CTTN: variants seen among roughly 807,000 people sequenced by gnomAD.
CTTN encodes the protein cortactin, also known as src substrate cortactin.
CTTN carries 28 observed loss-of-function variants against 84.0 expected under a neutral mutation model. The ratio of observed to expected loss-of-function variants is 0.33; its 90% confidence interval spans 0.25 to 0.46. The LOEUF (loss-of-function observed/expected upper bound fraction) is 0.46, where lower values mean the gene tolerates loss of function less well. CTTN is among the 20% of genes least tolerant of loss of function. The probability of loss-of-function intolerance (pLI) is 1.00; values close to 1 mark genes in which losing one functional copy is unlikely to be tolerated. For missense variants in CTTN, 641 were observed against 723.8 expected (o/e 0.89, Z 1.31); for synonymous variants, 301 against 288.8 (o/e 1.04, Z -0.43).
Position 70,420,390 on chromosome 11 carries a change from G to T in CTTN, c.680-10G>T, listed in dbSNP as rs775681700. ...TAATGATGGGTTCTGGCCTTTCATT[G>T]TGCATGTAGACTATGTGAAAGGGTT... On this transcript the variant is annotated splice_polypyrimidine_tract_variant and intron_variant, in intron 9 of 17. Transcript: ENST00000301843. 1.3e-6 allele frequency: 2 copies of T among 1,593,194 alleles called. No homozygotes were observed. Among genetic ancestry groups the T allele is most frequent in the Non-Finnish European group, 1.7e-6 (2 of 1,160,758 alleles).
At chr11:70,429,350 G>T in intron 14 of CTTN, 151 bp downstream of exon 14, 4 of 846,510 alleles carry the variant, frequency 4.7e-6, no homozygotes, top group Non-Finnish European at 7.4e-6. Flanking sequence ...CTCCATTAAG[G>T]CACTTGTCAC....
In CTTN at chr11:70,432,800, C is replaced by G. The variant is rs540770713; in HGVS notation, c.1267-301C>G. On this transcript the variant is annotated intron_variant, in intron 15 of 17. Transcript: ENST00000301843. ...AACCCAACAAAGACAGGCTCTACCC[C>G]CAGGCAACAGTGTGGGCAGGGGCGT... is the stretch of plus-strand genomic sequence containing the variant. 7.7e-4 allele frequency among the ~76,000 whole-genome samples: 117 copies of G among 152,282 alleles called. 1 individual carries two copies. In the South Asian group the frequency reaches 0.022, roughly 29 times the overall value.
Position 70,417,081 on chromosome 11 carries a change from T to C in CTTN, c.526T>C (p.Phe176Leu). Reference sequence around the variant, plus strand: ...CCGAGTAGACAAGAGCGCGGTGGGCTTCGACTACCAGGGCAAGACGGAGAA... The same window carrying C: ...CCGAGTAGACAAGAGCGCGGTGGGCCTCGACTACCAGGGCAAGACGGAGAA... ...ADRVDKSAVG[F>L]DYQGKTEKHE... Residue 176 changes from phenylalanine (F) to leucine (L), a missense_variant, in exon 8 of 18, where the codon TTC becomes CTC. Around this residue, in one of 3 missense-constraint regions of CTTN, gnomAD observed 284 missense variants for 348.4 expected, o/e 0.82. Transcript: ENST00000301843. 6.2e-7 allele frequency: 1 copy of C among 1,614,180 alleles called. No individual in the cohort carries two copies. The highest frequency in any genetic ancestry group is 2.2e-5 in the East Asian group (1 of 44,872).
intron 11 of CTTN, chr11:70,422,414 C>A: frequency 2.0e-6 from 2 of 993,478 alleles, no homozygotes; most frequent in Non-Finnish European, 2.8e-6. Context: ...ATCACTGCTG[C>A]ATGACAGTGT....
chr11:70,403,911 C>T (rs1056929653), intron 1 of CTTN, among the ~76,000 whole-genome samples: 1 of 152,140 alleles, frequency 6.6e-6, no homozygotes, highest in Non-Finnish European at 1.5e-5. Context: ...GACAGGGTCT[C>T]TCTCTGTCTC....
At chr11:70,434,438 C>T (rs756230158) in intron 17 of CTTN, among the ~76,000 whole-genome samples, 2 of 152,278 alleles carry the variant, frequency 1.3e-5, no homozygotes, top group African/African-American at 4.8e-5. Context: ...GAGTGCTTCC[C>T]GTTTGCAACT....
intron 6 of CTTN, among the ~76,000 whole-genome samples, chr11:70,415,123 G>A (rs1039580343): frequency 9.2e-5 from 14 of 152,192 alleles, no homozygotes. Context: ...TAATAGAGGA[G>A]CGATCAGGAG....
intron 6 of CTTN, among the ~76,000 whole-genome samples, 198 bp from the exon 7 acceptor site, chr11:70,415,465 G>T (rs1235484224): frequency 6.6e-6 from 1 of 152,214 alleles, no homozygotes; most frequent in Non-Finnish European, 1.5e-5. Flanking sequence ...CGCCCACTGG[G>T]CCTTGCAGTG....
intron 14 of CTTN, 125 bp downstream of exon 14, chr11:70,429,324 ACT>A: frequency 9.2e-7 from 1 of 1,087,022 alleles, no homozygotes; most frequent in Non-Finnish European, 1.3e-6. Context: ...GGCATGTTTA[ACT>A]CTCCTTTAAG....
chr11:70,423,038 G>A, intron 12 of CTTN, 43 bp downstream of exon 12: 1 of 1,612,622 alleles, frequency 6.2e-7, no homozygotes, highest in South Asian at 1.1e-5. Flanking sequence ...CTGCCTGCAG[G>A]GGCTCTTGGT....
At chr11:70,407,190 C>A in intron 2 of CTTN, 108 bp from the exon 3 acceptor site, 1 of 812,480 alleles carries the variant, frequency 1.2e-6, no homozygotes, top group African/African-American at 1.7e-5. Flanking sequence ...GCAGCCTCGT[C>A]CTCCTGGGTT....
At chr11:70,423,655 G>A (rs565439310) in intron 12 of CTTN, among the ~76,000 whole-genome samples, 315 of 152,288 alleles carry the variant, frequency 2.1e-3, no homozygotes, top group African/African-American at 6.0e-3. Context: ...ACGGAGGGGC[G>A]AGGTGTGGGC....
At position 70,435,244 on chromosome 11, in the gene CTTN, G is replaced by A. The variant is rs1158596319; in HGVS notation, c.*82G>A. The A allele has an allele frequency of 7.7e-7, 1 of 1,292,590 alleles. No individual in the cohort carries two copies. Among genetic ancestry groups the A allele is most frequent in the Non-Finnish European group, 9.8e-7 (1 of 1,015,420 alleles). The allele number at this position is 1,292,590 out of a possible 1,614,324, so 80.1% of individuals were successfully genotyped here. A position where few individuals can be genotyped will look rare whatever the true frequency, so the allele number is the denominator to read the frequency against. ...TTCTTTGGTTCTTGGGTGGTTTTGG[G>A]TTTTTTCTGTTTTTTTTTTTTTTTT... On this transcript the variant is annotated 3_prime_UTR_variant, in exon 18 of 18. Coordinates refer to ENST00000301843, the MANE Select transcript of CTTN (RefSeq NM_005231.4).
Position 70,436,057 on chromosome 11 carries a change from G to A in CTTN, c.*895G>A, listed in dbSNP as rs145280944. On this transcript the variant is annotated 3_prime_UTR_variant, in exon 18 of 18. Transcript: ENST00000301843. ...GTGCCATGTCACAGCATGGCCTCTC[G>A]GCCTTGGGAAGGAAGGCAGTGCCTG... 1.2e-3 allele frequency: 1,661 copies of A among 1,423,442 alleles called. 16 individuals are homozygous for A. The South Asian group carries it at 0.015, about 12-fold the overall frequency. The allele number at this position is 1,423,442 out of a possible 1,614,324, so 88.2% of individuals were successfully genotyped here.
chr11:70,409,827 C>G lies in CTTN; in HGVS notation c.162-4C>G, dbSNP rs753366314. On this transcript the variant is annotated splice_region_variant and splice_polypyrimidine_tract_variant and intron_variant, in intron 4 of 17. Coordinates refer to ENST00000301843, the MANE Select transcript of CTTN (RefSeq NM_005231.4). ...CTGTTCCTATTTTCATCTCTTCCAT[C>G]AAGCATACACAAGCTGAGGGAGAAT... is the stretch of plus-strand genomic sequence containing the variant. 1.2e-6 allele frequency: 2 copies of G among 1,613,950 alleles called. No homozygotes were observed. Among genetic ancestry groups the G allele is most frequent in the South Asian group, 2.2e-5 (2 of 91,072 alleles).
At chr11:70,418,153 A>G (rs991981304) in intron 8 of CTTN, among the ~76,000 whole-genome samples, 5 of 152,142 alleles carry the variant, frequency 3.3e-5, no homozygotes, top group Non-Finnish European at 5.9e-5. Context: ...AAAGCAAGAA[A>G]CACCACTGGA....
intron 13 of CTTN, among the ~76,000 whole-genome samples, chr11:70,428,103 G>A (rs1013669277): frequency 2.0e-4 from 29 of 144,418 alleles, no homozygotes; most frequent in Non-Finnish European, 3.0e-4. Flanking sequence ...GACACAGACA[G>A]CCACCGCCAC....
intron 17 of CTTN, among the ~76,000 whole-genome samples, chr11:70,434,025 G>A (rs556470997): frequency 2.1e-4 from 32 of 152,288 alleles, no homozygotes; most frequent in African/African-American, 7.0e-4. Context: ...CAAAGATGCT[G>A]TCCCACAGGG....
At chr11:70,426,752 C>T (rs1352893021) in intron 13 of CTTN, among the ~76,000 whole-genome samples, 2 of 151,806 alleles carry the variant, frequency 1.3e-5, no homozygotes, top group Non-Finnish European at 2.9e-5. Context: ...CCACGCCCGG[C>T]TAATTTTTTT....
Sources: allele counts gnomAD v4.1 joint callset (sites outside exome capture counted in the v4.1 genomes callset), GRCh38; gene constraint gnomAD v4.1.1; regional missense constraint gnomAD v4.1.1; transcripts MANE v1.5; gene names NCBI Gene and HGNC (gene_info 2026-07-23, HGNC 2026-07-21).